The following GUCY1A2 variants were observed in gnomAD, a reference collection of about 807,000 sequenced individuals.
The protein encoded by GUCY1A2 is guanylate cyclase soluble subunit alpha-2.
Under a neutral mutation model 63.5 loss-of-function variants are expected in GUCY1A2, and 27 were observed. The observed-to-expected ratio is 0.43, with a 90% CI of 0.31 to 0.59. GUCY1A2 has a LOEUF of 0.59. Ranked by LOEUF, GUCY1A2 falls within the 20% of genes least tolerant of loss-of-function variation. GUCY1A2 has a pLI of 0.11. For synonymous variants in GUCY1A2, 364 were observed against 343.5 expected, an observed-to-expected ratio of 1.06 and a Z score of -0.66; for missense variants, 768 against 913.3, an observed-to-expected ratio of 0.84 and a Z score of 2.05.
rs1038807301 is a variant in GUCY1A2, at chr11:106,995,375, G to A, written c.304-9244C>T. Among the ~76,000 whole-genome samples the A allele has an allele frequency of 2.6e-5, 4 of 152,194 alleles. No individual in the cohort carries two copies. In the East Asian group the frequency reaches 5.8e-4, roughly 22 times the overall value. The stretch of plus-strand genomic sequence containing the variant: ...TTGCCCAAAGTCACTTAGGTAGTAA[G>A]TGTCTGAGTCACAATCCAATCTAGG... On this transcript the variant is annotated intron_variant, in intron 1 of 7. Transcript: ENST00000526355.
chr11:106,913,997 AAAAAAAGAAAGAAAGAAAG>A (rs1860332877), intron 4 of GUCY1A2, among the ~76,000 whole-genome samples: 1 of 151,288 alleles, frequency 6.6e-6, no homozygotes, highest in Non-Finnish European at 1.5e-5. Context: ...AAAAAAAAAA[AAAAAAAGAAAGAAAGAAAG>A]AAAAAGAAAG....
At chr11:106,968,749 C>T (rs1298231348) in intron 3 of GUCY1A2, among the ~76,000 whole-genome samples, 1 of 1,728 alleles carries the variant, frequency 5.8e-4, no homozygotes, top group Non-Finnish European at 1.0e-3. Context: ...CCCTACCACC[C>T]AACAATCTCT....
At chr11:106,960,141 G>T (rs1396346186) in intron 3 of GUCY1A2, among the ~76,000 whole-genome samples, 1 of 152,178 alleles carries the variant, frequency 6.6e-6, no homozygotes, top group East Asian at 1.9e-4. Flanking sequence ...CTTATAGTTG[G>T]ACTGTTGGTT....
chr11:106,870,110 G>A (rs142157502), intron 4 of GUCY1A2, among the ~76,000 whole-genome samples: 1 of 131,814 alleles, frequency 7.6e-6, no homozygotes. Flanking sequence ...TCTTGTGAGG[G>A]GGGGGGAGGG....
chr11:106,685,920 G>A lies in GUCY1A2; in HGVS notation c.*1629C>T. 8.9e-6 allele frequency: 2 copies of A among 225,118 alleles called. No homozygotes were observed. The highest frequency in any genetic ancestry group is 1.8e-5 in the Non-Finnish European group (2 of 112,918). 13.9% of individuals were successfully genotyped at this position (225,118 alleles called of 1,614,324 possible). On this transcript the variant is annotated 3_prime_UTR_variant, in exon 8 of 8. Coordinates refer to ENST00000526355, the MANE Select transcript of GUCY1A2 (RefSeq NM_000855.3). ...CAAATGCCTTCTAGCCACACACATA[G>A]AAAATTTAAAAACATTAAATGAACC...
intron 1 of GUCY1A2, among the ~76,000 whole-genome samples, chr11:106,988,363 G>A (rs1861427906): frequency 6.6e-6 from 1 of 152,142 alleles, no homozygotes; most frequent in South Asian, 2.1e-4. Flanking sequence ...ATCCACAGAG[G>A]GATGATCCTT....
intron 7 of GUCY1A2, among the ~76,000 whole-genome samples, chr11:106,708,104 CTTTA>C (rs1008313284): frequency 1.2e-4 from 18 of 151,682 alleles, no homozygotes; most frequent in Non-Finnish European, 1.5e-4. Flanking sequence ...AATTTAAAGA[CTTTA>C]TTTATTTATT....
intron 6 of GUCY1A2, among the ~76,000 whole-genome samples, chr11:106,725,717 T>C (rs1359387868): frequency 2.0e-5 from 3 of 152,206 alleles, no homozygotes; most frequent in Non-Finnish European, 4.4e-5. Context: ...AGGTTAGTAA[T>C]ATTTCAGAGT....
intron 5 of GUCY1A2, among the ~76,000 whole-genome samples, chr11:106,777,439 T>G: frequency 8.7e-6 from 1 of 114,748 alleles, no homozygotes; most frequent in Non-Finnish European, 1.8e-5. Context: ...GAGTGAGACT[T>G]GGTCTCAAAA....
intron 4 of GUCY1A2, among the ~76,000 whole-genome samples, chr11:106,857,181 T>C (rs781154336): frequency 2.4e-4 from 36 of 152,194 alleles, no homozygotes; most frequent in African/African-American, 8.0e-4. Flanking sequence ...TTATTTCTCA[T>C]AGTTTTGGAG....
At chr11:106,876,847 T>C (rs1349813716) in intron 4 of GUCY1A2, among the ~76,000 whole-genome samples, 2 of 152,104 alleles carry the variant, frequency 1.3e-5, no homozygotes, top group East Asian at 3.9e-4. Context: ...GAAAGAATAA[T>C]GGTCCCCAAA....
intron 7 of GUCY1A2, among the ~76,000 whole-genome samples, chr11:106,698,377 C>T (rs1300501974): frequency 6.6e-6 from 1 of 151,794 alleles, no homozygotes; most frequent in Admixed American, 6.6e-5. Flanking sequence ...CTCCCCCAGA[C>T]TCCCAAAATG....
intron 4 of GUCY1A2, among the ~76,000 whole-genome samples, chr11:106,931,518 T>C (rs997363937): frequency 1.3e-5 from 2 of 152,178 alleles, no homozygotes; most frequent in Non-Finnish European, 2.9e-5. Context: ...TGGGAACATA[T>C]CCACACAAAC....
At chr11:106,792,863 A>G (rs1864688606) in intron 5 of GUCY1A2, among the ~76,000 whole-genome samples, 1 of 152,210 alleles carries the variant, frequency 6.6e-6, no homozygotes. Context: ...ACTATAATAT[A>G]TTGATTAAAG....
At chr11:106,978,197 A>T (rs892275142) in intron 3 of GUCY1A2, among the ~76,000 whole-genome samples, 1 of 152,162 alleles carries the variant, frequency 6.6e-6, no homozygotes, top group African/African-American at 2.4e-5. Flanking sequence ...CACAGAAAGG[A>T]ACATTGGATT....
intron 3 of GUCY1A2, among the ~76,000 whole-genome samples, chr11:106,958,050 G>A (rs968651602): frequency 6.6e-6 from 1 of 152,058 alleles, no homozygotes; most frequent in Non-Finnish European, 1.5e-5. Context: ...AAATTAGTAT[G>A]TTATTGTGTT....
chr11:106,782,368 ATAAACTT>A, intron 5 of GUCY1A2, among the ~76,000 whole-genome samples: 2 of 152,330 alleles, frequency 1.3e-5, no homozygotes, highest in East Asian at 3.9e-4. Context: ...ACAGATATAG[ATAAACTT>A]TAAAGATGAG....
intron 4 of GUCY1A2, among the ~76,000 whole-genome samples, chr11:106,823,282 T>C (rs528841482): frequency 6.6e-6 from 1 of 152,286 alleles, no homozygotes; most frequent in South Asian, 2.1e-4. Context: ...TGTCTACTAT[T>C]TCCATCTTTA....
intron 2 of GUCY1A2, among the ~76,000 whole-genome samples, chr11:106,980,361 A>G (rs1191147863): frequency 6.6e-6 from 1 of 152,108 alleles, no homozygotes; most frequent in African/African-American, 2.4e-5. Flanking sequence ...TCAGGGCGGA[A>G]CTCATACATG....
Sources: gnomAD v4.1 joint callset for allele counts (sites outside exome capture counted in the v4.1 genomes callset) on GRCh38, gnomAD v4.1.1 for gene constraint, MANE v1.5 for transcripts, NCBI Gene and HGNC (gene_info 2026-07-23, HGNC 2026-07-21) for gene names.